RAB33A: variants seen among roughly 807,000 people sequenced by gnomAD.
RAB33A encodes the protein ras-related protein Rab-33A.
A neutral mutation model predicts 12.0 loss-of-function variants in RAB33A; 6 were observed. The observed-to-expected ratio is 0.50, with a 90% CI of 0.27 to 0.99. The LOEUF is 0.99. RAB33A is among the 50% of genes least tolerant of loss of function. The pLI, the probability that RAB33A is intolerant of heterozygous loss-of-function variation, is 0.11. For missense variants in RAB33A, 109 were observed against 192.0 expected (o/e 0.57, Z 2.55); for synonymous variants, 70 against 82.4 (o/e 0.85, Z 0.81).
the RAB33A span, among the ~76,000 whole-genome samples, chrX:130,146,495 GCA>G: frequency 9.8e-6 from 1 of 102,114 alleles, no homozygotes; most frequent in Non-Finnish European, 2.0e-5. Context: ...GTGTGTGTAT[GCA>G]TATGTATACA....
chrX:130,130,079 G>A, the RAB33A span: 1 of 1,211,873 alleles, frequency 8.3e-7, no homozygotes, highest in Non-Finnish European at 1.1e-6. Context: ...CCCCTGGACG[G>A]GAGCCTGTGG....
At chrX:130,132,061 G>A in the RAB33A span, among the ~76,000 whole-genome samples, 7 of 111,098 alleles carry the variant, frequency 6.3e-5, no homozygotes, top group African/African-American at 9.8e-5. Context: ...TAGTAGAGAC[G>A]GGGTTTTACC....
At chrX:130,148,523 A>G in the RAB33A span, among the ~76,000 whole-genome samples, 1 of 111,765 alleles carries the variant, frequency 8.9e-6, no homozygotes, top group Admixed American at 9.5e-5. Context: ...ACAGACTAGA[A>G]GAATTTCCTC....
At chrX:130,150,557 G>C in the RAB33A span, among the ~76,000 whole-genome samples, 1 of 104,687 alleles carries the variant, frequency 9.6e-6, no homozygotes, top group East Asian at 3.0e-4. Context: ...GGATGGTCTC[G>C]ATCTCCTGAC....
chrX:130,130,413 CCCTT>C, the RAB33A span, among the ~76,000 whole-genome samples: 1 of 111,805 alleles, frequency 8.9e-6, no homozygotes, highest in Non-Finnish European at 1.9e-5. Flanking sequence ...AAACTTCCCT[CCCTT>C]ATTATCTCAT....
upstream of RAB33A, among the ~76,000 whole-genome samples, chrX:130,170,602 A>T (rs1455158591): frequency 2.7e-5 from 3 of 112,960 alleles, no homozygotes; most frequent in Non-Finnish European, 5.6e-5. Context: ...CTTGACCAAG[A>T]TGTGTGTGAT....
the RAB33A span, among the ~76,000 whole-genome samples, chrX:130,146,408 C>T: frequency 9.1e-6 from 1 of 109,399 alleles, no homozygotes; most frequent in Non-Finnish European, 1.9e-5. Flanking sequence ...TCGGCCACTG[C>T]ACTCCAGCAT....
the RAB33A span, among the ~76,000 whole-genome samples, chrX:130,113,745 A>G: frequency 8.9e-6 from 1 of 111,830 alleles, no homozygotes; most frequent in Non-Finnish European, 1.9e-5. Flanking sequence ...TAAATGTGCA[A>G]TAAATTATTG....
At chrX:130,156,152 G>A in the RAB33A span, among the ~76,000 whole-genome samples, 2 of 111,906 alleles carry the variant, frequency 1.8e-5, no homozygotes, top group Non-Finnish European at 3.8e-5. Flanking sequence ...AGGTTAGTGT[G>A]TGACATCCAA....
intron 1 of RAB33A, among the ~76,000 whole-genome samples, chrX:130,183,890 CT>C (rs992003550): frequency 8.1e-5 from 9 of 111,530 alleles, no homozygotes; most frequent in African/African-American, 2.9e-4. Context: ...CGGCTTGTCA[CT>C]TTTTTTATTT....
the RAB33A span, among the ~76,000 whole-genome samples, chrX:130,117,148 A>G: frequency 6.2e-5 from 7 of 112,187 alleles, no homozygotes; most frequent in East Asian, 2.0e-3. Context: ...TGGGAGGCGG[A>G]GCTTGCAGTG....
chrX:130,166,310 TG>T, the RAB33A span, among the ~76,000 whole-genome samples: 1 of 111,358 alleles, frequency 9.0e-6, no homozygotes, highest in African/African-American at 3.3e-5. Context: ...ACCCGTTTCC[TG>T]GACAAGTAAT....
the RAB33A span, among the ~76,000 whole-genome samples, chrX:130,152,143 A>G: frequency 8.9e-6 from 1 of 111,955 alleles, no homozygotes; most frequent in East Asian, 2.8e-4. Flanking sequence ...AAGAAAAAAA[A>G]GAAAAGTTTT....
At chrX:130,182,196 CAT>C (rs1230416484) in intron 1 of RAB33A, among the ~76,000 whole-genome samples, 5 of 64,628 alleles carry the variant, frequency 7.7e-5, no homozygotes, top group Admixed American at 6.0e-4. Flanking sequence ...ATATATATAA[CAT>C]ATATACACAC....
chrX:130,166,649 A>G, the RAB33A span, among the ~76,000 whole-genome samples: 4 of 112,594 alleles, frequency 3.6e-5, no homozygotes, highest in Middle Eastern at 4.2e-3. Context: ...TTACATATTC[A>G]TTTAACAAGT....
At chrX:130,115,678 AG>A in the RAB33A span, among the ~76,000 whole-genome samples, 1 of 98,126 alleles carries the variant, frequency 1.0e-5, no homozygotes, top group Non-Finnish European at 2.0e-5. Context: ...AGAGAGAGAG[AG>A]AGAGGAAGGA....
chrX:130,139,783 G>A, the RAB33A span: 1 of 1,204,963 alleles, frequency 8.3e-7, no homozygotes, highest in African/African-American at 1.8e-5. Context: ...AAACACTAAA[G>A]CAGACAATTA....
At chrX:130,134,724 G>C in the RAB33A span, among the ~76,000 whole-genome samples, 1 of 111,126 alleles carries the variant, frequency 9.0e-6, no homozygotes, top group East Asian at 2.8e-4. Flanking sequence ...TGAAGGATGT[G>C]GCATTTGAGC....
At chrX:130,165,475 T>A in the RAB33A span, 1 of 866,210 alleles carries the variant, frequency 1.2e-6, no homozygotes, top group Non-Finnish European at 1.7e-6. Context: ...GACGCGGGGG[T>A]AGAGGGCTGC....
Sources: allele counts gnomAD v4.1 joint callset (sites outside exome capture counted in the v4.1 genomes callset), GRCh38; gene constraint gnomAD v4.1.1; transcripts MANE v1.5; gene names NCBI Gene and HGNC (gene_info 2026-07-23, HGNC 2026-07-21).